Variants in SPEG observed in about 807,000 individuals in gnomAD.
SPEG encodes the protein striated muscle enriched protein kinase.
SPEG carries 114 observed loss-of-function variants against 300.4 expected under a neutral mutation model. The ratio of observed to expected loss-of-function variants is 0.38; its 90% CI spans 0.33 to 0.44. The LOEUF is 0.44. SPEG is among the 20% of genes least tolerant of loss of function. The pLI, the probability that SPEG is intolerant of heterozygous loss-of-function variation, is 1.00. For missense variants in SPEG, 4,201 were observed against 4,586.2 expected (o/e 0.92, Z 2.43); for synonymous variants, 1,964 against 2,018.9 (o/e 0.97, Z 0.73).
Position 219,451,739 on chromosome 2 carries a change from G to A in SPEG, c.2372G>A (p.Ser791Asn), listed in dbSNP as rs1319052723. ...LREARAADAG[S>N]YMATATNELG... is the part of the protein sequence containing the mutation. ...GAGGCCAGGGCAGCAGATGCCGGGA[G>A]CTATATGGCCACCGCCACCAACGAG... Residue 791 changes from serine to asparagine, a missense_variant, in exon 6 of 41, where the codon AGC becomes AAC. Physicochemically the swap from Ser to Asn is conservative, Grantham distance 46. This residue lies in a region of SPEG where 1,258 missense variants were observed against 1,293.9 expected (regional missense o/e 0.97). Coordinates refer to ENST00000312358, the MANE Select transcript of SPEG (RefSeq NM_005876.5). This position sits in a 1 kb window ranked among gnomAD's most constrained non-coding sequence, Gnocchi z 6.4. 39 of 1,560,668 alleles carry A rather than the reference G, an allele frequency of 2.5e-5. No individual in the cohort carries two copies. The highest frequency in any genetic ancestry group is 3.2e-5 in the Non-Finnish European group (37 of 1,153,018).
intron 1 of SPEG, among the ~76,000 whole-genome samples, chr2:219,440,102 G>A (rs970035494): frequency 6.6e-6 from 1 of 152,224 alleles, no homozygotes; most frequent in East Asian, 1.9e-4. Flanking sequence ...TAAAAGAGCA[G>A]CCAGGTGCGG....
chr2:219,458,624 C>T lies in SPEG; in HGVS notation c.2441-3258C>T, dbSNP rs774333526. ...GGTCATGCCAGGGGAAGCACATGGG[C>T]TGTGTAGCCAAACCTCCTAGGTTCA... On this transcript the variant is annotated intron_variant, in intron 6 of 40. Transcript: ENST00000312358. This position sits in a 1 kb window ranked among gnomAD's most constrained non-coding sequence, Gnocchi z 4.2. 2.0e-5 allele frequency among the ~76,000 whole-genome samples: 3 copies of T among 152,136 alleles called. No individual in the cohort carries two copies. The highest frequency in any genetic ancestry group is 2.9e-5 in the Non-Finnish European group (2 of 68,024).
At chr2:219,483,026 C>T in intron 29 of SPEG, 72 bp from the exon 30 acceptor site, 1 of 1,508,008 alleles carries the variant, frequency 6.6e-7, no homozygotes, top group Non-Finnish European at 9.0e-7. Context: ...TTCCCCAGGG[C>T]TGAGGTGGGC....
chr2:219,440,570 TTTA>T (rs1954835949), intron 1 of SPEG, among the ~76,000 whole-genome samples: 1 of 105,652 alleles, frequency 9.5e-6, no homozygotes, highest in African/African-American at 3.5e-5. Context: ...ATTTTATTTA[TTTA>T]TTTATTTATT....
intron 34 of SPEG, 67 bp from the exon 35 acceptor site, chr2:219,488,987 A>T: frequency 6.2e-7 from 1 of 1,605,724 alleles, no homozygotes. Context: ...CAGGCTCCAC[A>T]GATAGCACCG....
chr2:219,438,429 T>C (rs1035406010), intron 1 of SPEG, among the ~76,000 whole-genome samples: 9 of 152,148 alleles, frequency 5.9e-5, no homozygotes, highest in African/African-American at 2.2e-4. Context: ...GAAAGAGAAG[T>C]GTGGGAAGAC....
In SPEG at chr2:219,477,541, G is replaced by T; in HGVS notation, c.4729+96G>T. 1 of 1,416,478 alleles carries T rather than the reference G, an allele frequency of 7.1e-7. No individual in the cohort carries two copies. Among genetic ancestry groups the T allele is most frequent in the Non-Finnish European group, 9.5e-7 (1 of 1,054,078 alleles). 87.7% of individuals were successfully genotyped at this position (1,416,478 alleles called of 1,614,324 possible). The stretch of plus-strand genomic sequence containing the variant: ...CCAGGAAGCAGCCAGCCCTGGACTC[G>T]AGCCACCACACCCCCAGCCCAGCAC... On this transcript the variant is annotated intron_variant, in intron 20 of 40. Coordinates refer to ENST00000312358, the MANE Select transcript of SPEG (RefSeq NM_005876.5). The surrounding 1 kb of genome is among the most constrained non-coding windows in gnomAD (Gnocchi z 6.4).
intron 1 of SPEG, chr2:219,442,121 A>G: frequency 8.7e-7 from 1 of 1,145,860 alleles, no homozygotes; most frequent in Non-Finnish European, 1.1e-6. Flanking sequence ...GGGAGGGGGC[A>G]GGGAGGCCTG....
chr2:219,445,169 AC>A lies in SPEG; in HGVS notation c.815+9del. ...GGCGCTCTCTATCCACGTGTAAGTA[AC>A]GGCCTTACCTGGGCCTGAACTGCCC... On this transcript the variant is annotated intron_variant, in intron 3 of 40. Coordinates refer to ENST00000312358, the MANE Select transcript of SPEG (RefSeq NM_005876.5). The surrounding 1 kb of genome is among the most constrained non-coding windows in gnomAD (Gnocchi z 6.1). 1 of 1,560,992 alleles carries A rather than the reference AC, an allele frequency of 6.4e-7. No individual in the cohort carries two copies. Among genetic ancestry groups the A allele is most frequent in the Non-Finnish European group, 8.7e-7 (1 of 1,153,256 alleles).
rs764422349 is a variant in SPEG at position 219,473,456 on chromosome 2, G to C, written c.4148-48G>C. 30 of 1,588,532 alleles carry C rather than the reference G, an allele frequency of 1.9e-5. No individual in the cohort carries two copies. Among genetic ancestry groups the C allele is most frequent in the Non-Finnish European group, 2.6e-5 (30 of 1,159,384 alleles). On this transcript the variant is annotated intron_variant, in intron 16 of 40. Transcript: ENST00000312358. The surrounding 1 kb of genome is among the most constrained non-coding windows in gnomAD (Gnocchi z 4.6). Reference sequence around the variant, plus strand: ...GTGTTAGAGGAGTGGTGGGTGCTGAGGACCTGATGTCAAGCCCAGCACAGA... The same window carrying C: ...GTGTTAGAGGAGTGGTGGGTGCTGACGACCTGATGTCAAGCCCAGCACAGA...
chr2:219,451,574 C>A lies in SPEG; in HGVS notation c.2258-51C>A. On this transcript the variant is annotated intron_variant, in intron 5 of 40. Coordinates refer to ENST00000312358, the MANE Select transcript of SPEG (RefSeq NM_005876.5). This position sits in a 1 kb window ranked among gnomAD's most constrained non-coding sequence, Gnocchi z 6.4. The stretch of plus-strand genomic sequence containing the variant: ...TGTGTGGGGTAGGAGTAGAGATTCT[C>A]AGTGGGCGCCTGTGGGCCGTGGCGA... The A allele has an allele frequency of 2.1e-6, 3 of 1,446,062 alleles. No individual in the cohort carries two copies. Among genetic ancestry groups the A allele is most frequent in the Middle Eastern group, 2.1e-4 (1 of 4,658 alleles). 89.6% of individuals were successfully genotyped at this position (1,446,062 alleles called of 1,614,324 possible).
chr2:219,472,056 G>A (rs1691924115), intron 14 of SPEG, 69 bp downstream of exon 14: 2 of 1,587,076 alleles, frequency 1.3e-6, no homozygotes, highest in South Asian at 1.1e-5. Flanking sequence ...GGGGCTCAGG[G>A]AAAGGGGCCT....
chr2:219,457,964 T>C (rs998053661), intron 6 of SPEG, among the ~76,000 whole-genome samples: 19 of 152,194 alleles, frequency 1.2e-4, no homozygotes, highest in South Asian at 8.3e-4. Context: ...TCCCGCCTTC[T>C]ATACTCCCAC....
chr2:219,456,402 A>G lies in SPEG; in HGVS notation c.2440+4595A>G, dbSNP rs528633531. Among the ~76,000 whole-genome samples the G allele has an allele frequency of 3.2e-4, 48 of 152,336 alleles. 2 individuals are homozygous for G. The highest frequency in any genetic ancestry group is 1.1e-3 in the African/African-American group (46 of 41,580). ...TCGATGGGGGTTTGGACAACACCAG[A>G]CAAAGCAGTGTGGCATGGTCCCCTT... is the stretch of plus-strand genomic sequence containing the variant. On this transcript the variant is annotated intron_variant, in intron 6 of 40. Coordinates refer to ENST00000312358, the MANE Select transcript of SPEG (RefSeq NM_005876.5).
chr2:219,457,047 C>T (rs1352593038), intron 6 of SPEG, among the ~76,000 whole-genome samples: 1 of 152,204 alleles, frequency 6.6e-6, no homozygotes, highest in Non-Finnish European at 1.5e-5. Flanking sequence ...GAAACATTCT[C>T]AGTCCAAGGG....
chr2:219,464,624 C>A lies in SPEG; in HGVS notation c.2881+16C>A, dbSNP rs766848367. The A allele has an allele frequency of 3.1e-6, 5 of 1,610,666 alleles. No individual in the cohort carries two copies. The South Asian group carries it at 5.5e-5, about 18-fold the overall frequency. On this transcript the variant is annotated intron_variant, in intron 9 of 40. Transcript: ENST00000312358. The surrounding 1 kb of genome is among the most constrained non-coding windows in gnomAD (Gnocchi z 4.5). ...GAGGTCCGAGGTGAGTACCTGATTT[C>A]TCCATGAATGCCCACCTGGCCCTGG...
At chr2:219,488,699 A>G in intron 33 of SPEG, 34 bp downstream of exon 33, 1 of 1,604,268 alleles carries the variant, frequency 6.2e-7, no homozygotes, top group Non-Finnish European at 8.5e-7. Context: ...GGGGGTAGTG[A>G]TGGGGATGGT....
chr2:219,472,369 G>T (rs772768143), intron 15 of SPEG, 38 bp downstream of exon 15: 18 of 1,574,048 alleles, frequency 1.1e-5, no homozygotes, highest in Non-Finnish European at 1.6e-5. Flanking sequence ...GTGGGGAAGG[G>T]GTGTGGAGAA....
chr2:219,454,954 C>T (rs995123685), intron 6 of SPEG, among the ~76,000 whole-genome samples: 38 of 152,264 alleles, frequency 2.5e-4, no homozygotes, highest in Admixed American at 5.9e-4. Context: ...ATTAGCCAGG[C>T]GTGGTGGCAT....
Sources: allele counts gnomAD v4.1 joint callset (sites outside exome capture counted in the v4.1 genomes callset), GRCh38; gene constraint gnomAD v4.1.1; regional missense constraint gnomAD v4.1.1; non-coding constraint Gnocchi (gnomAD v3.1); transcripts MANE v1.5; gene names NCBI Gene and HGNC (gene_info 2026-07-23, HGNC 2026-07-21).